Variants in NEDD4L observed in about 807,000 individuals in gnomAD.
NEDD4L encodes the protein NEDD4 like E3 ubiquitin protein ligase, also known as E3 ubiquitin-protein ligase NEDD4-like.
In NEDD4L, 54 loss-of-function variants were observed where a neutral mutation model predicts 148.9. The ratio of observed to expected loss-of-function variants is 0.36; its 90% CI spans 0.29 to 0.45. The LOEUF is 0.45. NEDD4L is among the 20% of genes least tolerant of loss of function. NEDD4L has a pLI of 1.00. For synonymous variants in NEDD4L, 433 were observed against 440.7 expected (o/e 0.98, Z 0.22); for missense variants, 856 against 1,233.8 (o/e 0.69, Z 4.59).
intron 5 of NEDD4L, among the ~76,000 whole-genome samples, chr18:58,255,219 G>A (rs1189746479): frequency 6.6e-6 from 1 of 152,022 alleles, no homozygotes; most frequent in Non-Finnish European, 1.5e-5. Context: ...CAGTGTGTTT[G>A]CTGCCTTAGT....
intron 1 of NEDD4L, among the ~76,000 whole-genome samples, chr18:58,137,175 C>G (rs1408965167): frequency 6.6e-6 from 1 of 152,200 alleles, no homozygotes; most frequent in Non-Finnish European, 1.5e-5. Context: ...TTCCTCTAGG[C>G]TGGAAGTTGT....
At chr18:58,049,661 G>T (rs2081763801) in intron 1 of NEDD4L, among the ~76,000 whole-genome samples, 1 of 152,150 alleles carries the variant, frequency 6.6e-6, no homozygotes, top group African/African-American at 2.4e-5. Flanking sequence ...TAAAATTCAT[G>T]AATATAACAT....
intron 5 of NEDD4L, among the ~76,000 whole-genome samples, chr18:58,309,597 G>T (rs1398404873): frequency 6.6e-6 from 1 of 151,768 alleles, no homozygotes; most frequent in Non-Finnish European, 1.5e-5. Context: ...AAGCACAACA[G>T]TGCTGCTCAC....
At chr18:58,336,600 A>G (rs1232247101) in intron 13 of NEDD4L, among the ~76,000 whole-genome samples, 2 of 152,022 alleles carry the variant, frequency 1.3e-5, no homozygotes, top group African/African-American at 2.4e-5. Flanking sequence ...GAATTTCCTT[A>G]TTGTTTCACC....
chr18:58,256,425 T>G lies in NEDD4L; in HGVS notation c.297+4371T>G. On this transcript the variant is annotated intron_variant, in intron 5 of 30. Transcript: ENST00000400345. This position sits in a 1 kb window ranked among gnomAD's most constrained non-coding sequence, Gnocchi z 5.2. ...TCGGGGCCAGGCAGCGACCTCAACT[T>G]TGGCTTCACGGGCACAAAGGGGGAC... 8.1e-7 allele frequency: 1 copy of G among 1,232,244 alleles called. No homozygotes were observed. Among genetic ancestry groups the G allele is most frequent in the Middle Eastern group, 3.1e-4 (1 of 3,210 alleles). The allele number at this position is 1,232,244 out of a possible 1,614,324, so 76.3% of individuals were successfully genotyped here. A position where few individuals can be genotyped will look rare whatever the true frequency, so the allele number is the denominator to read the frequency against.
chr18:58,340,794 G>A (rs1428124944), intron 13 of NEDD4L, among the ~76,000 whole-genome samples: 9 of 152,116 alleles, frequency 5.9e-5, no homozygotes, highest in African/African-American at 1.4e-4. Context: ...TTGAGACTAC[G>A]GGGTCTTAGA....
chr18:58,127,620 A>G (rs1022273575), intron 1 of NEDD4L, among the ~76,000 whole-genome samples: 4 of 152,052 alleles, frequency 2.6e-5, no homozygotes, highest in African/African-American at 9.7e-5. Flanking sequence ...CAGGCGGATC[A>G]CGAGGTCAGG....
chr18:58,357,429 A>G (rs1337912472), intron 19 of NEDD4L, 177 bp downstream of exon 19: 1 of 722,174 alleles, frequency 1.4e-6, no homozygotes, highest in East Asian at 2.6e-5. Context: ...GTACAGCTGC[A>G]TGTGCCTTTT....
chr18:58,064,340 A>G (rs1309202545), intron 1 of NEDD4L, among the ~76,000 whole-genome samples: 4 of 152,240 alleles, frequency 2.6e-5, no homozygotes, highest in East Asian at 1.9e-4. Flanking sequence ...AGCCATCACT[A>G]TAACACCGTA....
intron 29 of NEDD4L, among the ~76,000 whole-genome samples, chr18:58,390,954 A>G (rs2049748466): frequency 6.6e-6 from 1 of 151,698 alleles, no homozygotes; most frequent in Non-Finnish European, 1.5e-5. Context: ...ATTGGGGGGC[A>G]GTTTGTGAAG....
intron 16 of NEDD4L, among the ~76,000 whole-genome samples, chr18:58,343,540 G>A (rs550084325): frequency 1.3e-5 from 2 of 152,038 alleles, no homozygotes; most frequent in South Asian, 2.1e-4. Flanking sequence ...AGTTTTTACC[G>A]TTCACATCAG....
chr18:58,378,678 G>A (rs1688124460), intron 24 of NEDD4L, among the ~76,000 whole-genome samples: 1 of 152,206 alleles, frequency 6.6e-6, no homozygotes, highest in African/African-American at 2.4e-5. Context: ...CTGCCCCCGA[G>A]GCCGTGCCCT....
chr18:58,262,276 G>A (rs781139050), intron 5 of NEDD4L, among the ~76,000 whole-genome samples: 5 of 152,180 alleles, frequency 3.3e-5, no homozygotes, highest in African/African-American at 4.8e-5. Flanking sequence ...AATAATCTTC[G>A]TTCACCACAT....
intron 1 of NEDD4L, among the ~76,000 whole-genome samples, chr18:58,090,000 C>T (rs770495812): frequency 1.3e-5 from 2 of 151,924 alleles, no homozygotes; most frequent in South Asian, 2.1e-4. Context: ...CCACCACGCC[C>T]GGCTAATTTT....
Position 58,330,767 on chromosome 18 carries a change from T to C in NEDD4L, c.843T>C (p.Asn281=), listed in dbSNP as rs2144697373. The change falls in exon 11 of 31, where the codon AAT becomes AAC. Residue 281 remains asparagine, a synonymous_variant. Coordinates refer to ENST00000400345, the MANE Select transcript of NEDD4L (RefSeq NM_001144967.3). ...GGGAGACCATTTCAGAGGAAGTGAA[T>C]ATCGCTGGAGACTCTCTCGGTCTGG... ...EPWETISEEV[N]IAGDSLGLAL... 1 of 1,607,360 alleles carries C rather than the reference T, an allele frequency of 6.2e-7. No homozygotes were observed. The highest frequency in any genetic ancestry group is 8.5e-7 in the Non-Finnish European group (1 of 1,175,972).
At chr18:58,112,364 A>C (rs905000355) in intron 1 of NEDD4L, among the ~76,000 whole-genome samples, 12 of 7,196 alleles carry the variant, frequency 1.7e-3, no homozygotes, top group South Asian at 5.6e-3. Context: ...ATTTGTCTTT[A>C]TTTATTTATT....
intron 5 of NEDD4L, among the ~76,000 whole-genome samples, chr18:58,309,814 G>A (rs1443946208): frequency 1.3e-5 from 2 of 152,130 alleles, no homozygotes; most frequent in Non-Finnish European, 2.9e-5. Context: ...CCCAACCAGA[G>A]GGAGGTGGGG....
rs142084840 is a variant in NEDD4L at position 58,157,145 on chromosome 18, T to C, written c.49-8643T>C. ...CAAAGCTGCAGTGAGCCTTAATCAC[T>C]CCAGTGCACTCCAGCCGGGGCAACA... On this transcript the variant is annotated intron_variant, in intron 1 of 30. Coordinates refer to ENST00000400345, the MANE Select transcript of NEDD4L (RefSeq NM_001144967.3). 5.1e-3 allele frequency among the ~76,000 whole-genome samples: 716 copies of C among 140,268 alleles called. 4 individuals are homozygous for C. Among genetic ancestry groups the C allele is most frequent in the Non-Finnish European group, 8.4e-3 (558 of 66,392 alleles). The allele number at this position is 140,268 out of a possible 152,430, so 92.0% of individuals were successfully genotyped here. A position where few individuals can be genotyped will look rare whatever the true frequency, so the allele number is the denominator to read the frequency against.
intron 1 of NEDD4L, among the ~76,000 whole-genome samples, chr18:58,147,033 G>A (rs985334613): frequency 1.3e-5 from 2 of 152,210 alleles, no homozygotes; most frequent in African/African-American, 4.8e-5. Context: ...GGCCCAGGAT[G>A]CGTTCTCAGG....
Sources: allele counts gnomAD v4.1 joint callset (sites outside exome capture counted in the v4.1 genomes callset), GRCh38; gene constraint gnomAD v4.1.1; non-coding constraint Gnocchi (gnomAD v3.1); transcripts MANE v1.5; gene names NCBI Gene and HGNC (gene_info 2026-07-23, HGNC 2026-07-21).